CDC42BPA: variants seen among roughly 807,000 people sequenced by gnomAD.
CDC42BPA encodes the protein CDC42 binding protein kinase alpha.
CDC42BPA carries 80 observed loss-of-function variants against 223.5 expected under a neutral mutation model. That is an observed-to-expected ratio of 0.36 (90% CI 0.30 to 0.43). The LOEUF is 0.43. Among genes scored for constraint, CDC42BPA ranks in the 20% least tolerant of loss-of-function variants. The pLI is 1.00. For missense variants in CDC42BPA, 1,743 were observed against 2,099.9 expected (o/e 0.83, Z 3.32); for synonymous variants, 694 against 718.6 (o/e 0.97, Z 0.55).
intron 1 of CDC42BPA, among the ~76,000 whole-genome samples, chr1:227,266,975 G>A (rs1007103716): frequency 2.6e-5 from 4 of 152,136 alleles, no homozygotes; most frequent in South Asian, 2.1e-4. Context: ...ACAGTCTTTA[G>A]CATGAGATCA....
intron 2 of CDC42BPA, among the ~76,000 whole-genome samples, chr1:227,232,728 A>G (rs1202741113): frequency 1.3e-5 from 2 of 152,190 alleles, no homozygotes; most frequent in Non-Finnish European, 2.9e-5. Context: ...CAGAACAGCA[A>G]ATATTGCAGA....
At chr1:227,295,010 G>T (rs1690421105) in intron 1 of CDC42BPA, among the ~76,000 whole-genome samples, 1 of 151,194 alleles carries the variant, frequency 6.6e-6, no homozygotes, top group South Asian at 2.1e-4. Context: ...TATTCAACGG[G>T]TTAGCACAAA....
rs386369874 is a variant in CDC42BPA, at chr1:227,261,124, C to CTTTTTTTTTTTTTTTTTTTTTT, written c.179-6970_179-6969insAAAAAAAAAAAAAAAAAAAAAA. On this transcript the variant is annotated intron_variant, in intron 1 of 36. Coordinates refer to ENST00000366766, the MANE Select transcript of CDC42BPA (RefSeq NM_001394014.1). ...TTTTTAACAGAATAATTGAGTTTTT[C>CTTTTTTTTTTTTTTTTTTTTTT]TTTTTTTTTGAGACAGAGTCTCGCT... Among the ~76,000 whole-genome samples the CTTTTTTTTTTTTTTTTTTTTTT allele has an allele frequency of 9.9e-5, 12 of 121,000 alleles. 2 individuals are homozygous for CTTTTTTTTTTTTTTTTTTTTTT. Among genetic ancestry groups the CTTTTTTTTTTTTTTTTTTTTTT allele is most frequent in the Non-Finnish European group, 1.2e-4 (7 of 59,704 alleles). 79.4% of individuals were successfully genotyped at this position (121,000 alleles called of 152,430 possible). A position where few individuals can be genotyped will look rare whatever the true frequency, so the allele number is the denominator to read the frequency against.
At chr1:227,116,987 A>T (rs1284709649) in intron 12 of CDC42BPA, among the ~76,000 whole-genome samples, 1 of 151,878 alleles carries the variant, frequency 6.6e-6, no homozygotes, top group African/African-American at 2.4e-5. Context: ...TTTCCAAGGA[A>T]CTCTCTCAGA....
chr1:227,177,788 G>A (rs1435312772), intron 5 of CDC42BPA, among the ~76,000 whole-genome samples: 3 of 152,010 alleles, frequency 2.0e-5, no homozygotes, highest in African/African-American at 7.2e-5. Flanking sequence ...CCAATTACTT[G>A]CATGTTACAC....
intron 21 of CDC42BPA, among the ~76,000 whole-genome samples, chr1:227,061,722 T>C (rs774050934): frequency 2.6e-5 from 4 of 152,248 alleles, no homozygotes; most frequent in Non-Finnish European, 5.9e-5. Context: ...GGTACTTTCC[T>C]AAGTAACCAC....
chr1:227,091,975 C>T lies in CDC42BPA; in HGVS notation c.2266G>A (p.Glu756Lys), dbSNP rs768991411. Residue 756 changes from glutamate to lysine, a missense_variant, in exon 16 of 37, where the codon GAA becomes AAA. Coordinates refer to ENST00000366766, the MANE Select transcript of CDC42BPA (RefSeq NM_001394014.1). ...TRRESQSERE[E>K]FESEFKQQYE... ...TGTTGTTTGAACTCACTTTCAAATT[C>T]CTCCCTTTCACTTTGACTAACACAA... 3 of 1,597,678 alleles carry T rather than the reference C, an allele frequency of 1.9e-6. No individual in the cohort carries two copies. The highest frequency in any genetic ancestry group is 2.2e-5 in the East Asian group (1 of 44,584).
Position 226,994,463 on chromosome 1 carries a change from A to G in CDC42BPA, c.5134-64T>C, listed in dbSNP as rs1308928427. The G allele has an allele frequency of 2.8e-6, 4 of 1,451,846 alleles. No homozygotes were observed. In the Admixed American group the frequency reaches 1.1e-4, roughly 39 times the overall value. The allele number at this position is 1,451,846 out of a possible 1,614,324, so 89.9% of individuals were successfully genotyped here. On this transcript the variant is annotated intron_variant, in intron 36 of 36. Coordinates refer to ENST00000366766, the MANE Select transcript of CDC42BPA (RefSeq NM_001394014.1). The surrounding 1 kb of genome is among the most constrained non-coding windows in gnomAD (Gnocchi z 4.0). ...GGAGAAAGGGAGGCAGAAGGGGCTCAGATTACCACCGCCCCCTCCAGCCAC... is the reference window on the plus strand; with the variant it reads ...GGAGAAAGGGAGGCAGAAGGGGCTCGGATTACCACCGCCCCCTCCAGCCAC...
At chr1:227,300,113 G>C (rs1572947558) in intron 1 of CDC42BPA, among the ~76,000 whole-genome samples, 1 of 152,134 alleles carries the variant, frequency 6.6e-6, no homozygotes, top group East Asian at 1.9e-4. Flanking sequence ...TTCATTACAA[G>C]AGGAATTTCA....
chr1:227,015,886 T>A (rs575698818), intron 34 of CDC42BPA, among the ~76,000 whole-genome samples, 194 bp downstream of exon 34: 1 of 152,352 alleles, frequency 6.6e-6, no homozygotes, highest in African/African-American at 2.4e-5. Flanking sequence ...GTTTGGCTTT[T>A]GACAGATGTC....
chr1:227,283,746 C>T (rs1688369830), intron 1 of CDC42BPA, among the ~76,000 whole-genome samples: 1 of 152,138 alleles, frequency 6.6e-6, no homozygotes, highest in South Asian at 2.1e-4. Context: ...AATAAATAAG[C>T]ATATGTACCC....
At chr1:227,096,494 C>G (rs529967763) in intron 15 of CDC42BPA, among the ~76,000 whole-genome samples, 1 of 152,316 alleles carries the variant, frequency 6.6e-6, no homozygotes, top group Non-Finnish European at 1.5e-5. Context: ...TTGCTCTCCA[C>G]CACACCAAAA....
intron 1 of CDC42BPA, among the ~76,000 whole-genome samples, chr1:227,288,454 T>C (rs1302709996): frequency 6.6e-6 from 1 of 152,046 alleles, no homozygotes; most frequent in Non-Finnish European, 1.5e-5. Context: ...AACCTAGAAC[T>C]TTGGGAGGCC....
intron 5 of CDC42BPA, among the ~76,000 whole-genome samples, chr1:227,190,881 TG>T (rs1669592448): frequency 6.6e-6 from 1 of 151,694 alleles, no homozygotes; most frequent in Non-Finnish European, 1.5e-5. Context: ...GAGTGTGTGG[TG>T]GGGGGTTAAG....
Position 227,033,230 on chromosome 1 carries a change from A to C in CDC42BPA, c.3558+104T>G. ...GATATGGAATATATAAAAGAATATAAGATTTGGTTTTACTTATAGTGAATT... is the reference window on the plus strand; with the variant it reads ...GATATGGAATATATAAAAGAATATACGATTTGGTTTTACTTATAGTGAATT... On this transcript the variant is annotated intron_variant, in intron 27 of 36. Transcript: ENST00000366766. The C allele has an allele frequency of 7.4e-6, 5 of 672,864 alleles. No homozygotes were observed. In the South Asian group the frequency reaches 9.6e-5, roughly 13 times the overall value. The allele number at this position is 672,864 out of a possible 1,614,324, so 41.7% of individuals were successfully genotyped here. A position where few individuals can be genotyped will look rare whatever the true frequency, so the allele number is the denominator to read the frequency against.
At chr1:227,289,348 C>G (rs1441156138) in intron 1 of CDC42BPA, among the ~76,000 whole-genome samples, 1 of 152,162 alleles carries the variant, frequency 6.6e-6, no homozygotes, top group East Asian at 1.9e-4. Flanking sequence ...AAGGACCCAG[C>G]ACTTACTGTT....
At chr1:227,277,761 GTTTC>G (rs368015483) in intron 1 of CDC42BPA, among the ~76,000 whole-genome samples, 14,098 of 152,032 alleles carry the variant, frequency 0.093, 824 homozygotes, top group Middle Eastern at 0.17. Flanking sequence ...TTGTTTGTTT[GTTTC>G]TTTTCAGACA....
chr1:227,105,362 T>C (rs952859704), intron 14 of CDC42BPA, among the ~76,000 whole-genome samples: 1 of 138,018 alleles, frequency 7.2e-6, no homozygotes, highest in African/African-American at 2.9e-5. Flanking sequence ...TTCTCTTTTT[T>C]TTTTTTTTTT....
rs1660925545 is a variant in CDC42BPA at position 226,992,919 on chromosome 1, T to C, written c.*1349A>G. On this transcript the variant is annotated 3_prime_UTR_variant, in exon 37 of 37. Transcript: ENST00000366766. Reference sequence around the variant, plus strand: ...GAGGAAGCCAGTCGGAGCGCCGTGCTGGGCTCACTCACTCTGGCCTGCGCA... The same window carrying C: ...GAGGAAGCCAGTCGGAGCGCCGTGCCGGGCTCACTCACTCTGGCCTGCGCA... The C allele has an allele frequency of 6.6e-6, 1 of 152,262 alleles. No homozygotes were observed. Among genetic ancestry groups the C allele is most frequent in the Admixed American group, 6.5e-5 (1 of 15,284 alleles). The allele number at this position is 152,262 out of a possible 1,614,324, so 9.4% of individuals were successfully genotyped here.
Sources: allele counts gnomAD v4.1 joint callset (sites outside exome capture counted in the v4.1 genomes callset), GRCh38; gene constraint gnomAD v4.1.1; non-coding constraint Gnocchi (gnomAD v3.1); transcripts MANE v1.5; gene names NCBI Gene and HGNC (gene_info 2026-07-23, HGNC 2026-07-21).